Variants in PHLDB2 observed in about 807,000 individuals in gnomAD.
PHLDB2 encodes the protein pleckstrin homology-like domain family B member 2.
Under a neutral mutation model 123.6 loss-of-function variants are expected in PHLDB2, and 71 were observed. The ratio of observed to expected loss-of-function variants is 0.57; its 90% CI spans 0.47 to 0.70. PHLDB2 has a LOEUF of 0.70. PHLDB2 is among the 30% of genes least tolerant of loss of function. PHLDB2 has a pLI of 0.00. For missense variants in PHLDB2, 1,446 were observed against 1,519.5 expected, an observed-to-expected ratio of 0.95 and a Z score of 0.80; for synonymous variants, 547 against 541.6, an observed-to-expected ratio of 1.01 and a Z score of -0.14.
intron 1 of PHLDB2, among the ~76,000 whole-genome samples, chr3:111,882,165 T>C (rs901016721): frequency 1.3e-5 from 2 of 152,230 alleles, no homozygotes; most frequent in African/African-American, 2.4e-5. Flanking sequence ...TTCCCTATTA[T>C]TTGGCATTTA....
chr3:111,855,962 A>C (rs1436962596), upstream of PHLDB2, among the ~76,000 whole-genome samples: 1 of 152,080 alleles, frequency 6.6e-6, no homozygotes, highest in African/African-American at 2.4e-5. Flanking sequence ...TTGCACCTTC[A>C]GGGTGGTCTC....
At chr3:111,950,023 T>C (rs1222054836) in intron 10 of PHLDB2, 1 of 517,888 alleles carries the variant, frequency 1.9e-6, no homozygotes, top group Non-Finnish European at 2.5e-6. Flanking sequence ...ATTTTTTTTT[T>C]CCTCTTAAGA....
Position 111,885,147 on chromosome 3 carries a change from C to T in PHLDB2, c.1070C>T (p.Ala357Val). 3.7e-6 allele frequency: 6 copies of T among 1,614,096 alleles called. No individual in the cohort carries two copies. The highest frequency in any genetic ancestry group is 5.1e-6 in the Non-Finnish European group (6 of 1,180,020). Reference sequence around the variant, plus strand: ...TGTGCCTCTGATGACTTTGATCAGGCTTCATATGTGGGGACAAACCCGAGT... The same window carrying T: ...TGTGCCTCTGATGACTTTGATCAGGTTTCATATGTGGGGACAAACCCGAGT... ...SSCASDDFDQ[A>V]SYVGTNPSHS... The change falls in exon 2 of 18, where the codon GCT (alanine) becomes GTT (valine). Residue 357 changes from alanine to valine, a missense_variant. Ala to Val is a moderately conservative substitution (Grantham distance 64, BLOSUM62 0). This residue lies in a region of PHLDB2 where 832 missense variants were observed against 831.9 expected (regional missense o/e 1.00). Transcript: ENST00000431670.
At chr3:111,916,530 A>G (rs982872650) in intron 3 of PHLDB2, 1 of 152,212 alleles carries the variant, frequency 6.6e-6, no homozygotes, top group African/African-American at 2.4e-5. Context: ...AATGTGAAAA[A>G]CACTGTAAGT....
chr3:111,932,523 C>G (rs974660025), intron 6 of PHLDB2, 126 bp downstream of exon 6: 1 of 970,672 alleles, frequency 1.0e-6, no homozygotes, highest in Non-Finnish European at 1.5e-6. Flanking sequence ...TCATTAGATA[C>G]GTTTAAATGG....
intron 16 of PHLDB2, among the ~76,000 whole-genome samples, chr3:111,971,778 C>G (rs1452429000): frequency 6.6e-6 from 1 of 152,178 alleles, no homozygotes; most frequent in Non-Finnish European, 1.5e-5. Flanking sequence ...TGGCCGTGTA[C>G]TTGTGAAGGA....
chr3:111,794,305 C>G (rs751617840), intron 1 of PHLDB2, among the ~76,000 whole-genome samples: 2 of 152,154 alleles, frequency 1.3e-5, no homozygotes, highest in Non-Finnish European at 2.9e-5. Context: ...GTCCCGCAGT[C>G]ACTGCACCCT....
intron 1 of PHLDB2, among the ~76,000 whole-genome samples, chr3:111,839,870 A>C (rs923368502): frequency 6.7e-6 from 1 of 149,260 alleles, no homozygotes; most frequent in African/African-American, 2.5e-5. Context: ...AATATGCCTC[A>C]ATTTCTATTT....
chr3:111,897,035 A>G (rs1424448937), intron 2 of PHLDB2, among the ~76,000 whole-genome samples: 1 of 152,230 alleles, frequency 6.6e-6, no homozygotes, highest in Non-Finnish European at 1.5e-5. Context: ...GATACAGTGA[A>G]GATACAGAAC....
intron 1 of PHLDB2, among the ~76,000 whole-genome samples, chr3:111,877,616 G>A (rs534875841): frequency 6.6e-6 from 1 of 152,210 alleles, no homozygotes; most frequent in South Asian, 2.1e-4. Flanking sequence ...ATTGCTTTTG[G>A]TGTTTTAGTC....
At position 111,806,937 on chromosome 3, in the gene PHLDB2, C is replaced by T. The variant is rs114994189; in HGVS notation, c.-48-38884C>T. Among the ~76,000 whole-genome samples, 746 of 151,944 alleles carry T rather than the reference C, an allele frequency of 4.9e-3. 5 individuals carry two copies. The highest frequency in any genetic ancestry group is 0.017 in the African/African-American group (717 of 41,444). On this transcript the variant is annotated intron_variant, in intron 1 of 17. Coordinates refer to the PHLDB2 transcript ENST00000393923. ...AAGCATAAGCCACCATGCCCAGCCC[C>T]TTTTTGTTTTCTTAAGATGAAGAAG...
At chr3:111,736,521 T>C (rs1044861282) in intron 1 of PHLDB2, among the ~76,000 whole-genome samples, 1 of 152,202 alleles carries the variant, frequency 6.6e-6, no homozygotes, top group African/African-American at 2.4e-5. Context: ...CTAAGTCCCT[T>C]AGATCTTGGG....
intron 1 of PHLDB2, among the ~76,000 whole-genome samples, chr3:111,837,127 C>T (rs1056416555): frequency 3.3e-5 from 5 of 152,098 alleles, no homozygotes; most frequent in African/African-American, 9.7e-5. Flanking sequence ...CCTCAGAGGG[C>T]TGTGTATTAA....
chr3:111,895,124 T>C (rs2066752384), intron 2 of PHLDB2, among the ~76,000 whole-genome samples: 1 of 151,982 alleles, frequency 6.6e-6, no homozygotes, highest in Admixed American at 6.6e-5. Context: ...AGAAAAGCAG[T>C]GAGAAGGAAA....
chr3:111,875,346 C>A (rs1203683037), intron 1 of PHLDB2, among the ~76,000 whole-genome samples: 1 of 151,194 alleles, frequency 6.6e-6, no homozygotes, highest in Non-Finnish European at 1.5e-5. Context: ...GATGGAGTTT[C>A]TCCATGTTGG....
chr3:111,969,039 A>G (rs1259973036), intron 15 of PHLDB2, among the ~76,000 whole-genome samples: 1 of 152,230 alleles, frequency 6.6e-6, no homozygotes, highest in African/African-American at 2.4e-5. Context: ...ACCAGCCATC[A>G]GTAACATAAA....
chr3:111,797,818 G>A (rs1306388992), intron 1 of PHLDB2, among the ~76,000 whole-genome samples: 2 of 152,180 alleles, frequency 1.3e-5, no homozygotes, highest in African/African-American at 2.4e-5. Context: ...CGAAAGCTAC[G>A]CAATTGTGAT....
chr3:111,942,405 A>G (rs561481304), intron 8 of PHLDB2, among the ~76,000 whole-genome samples: 1 of 152,316 alleles, frequency 6.6e-6, no homozygotes, highest in South Asian at 2.1e-4. Context: ...GCTAAAATGT[A>G]TTTGTAACCT....
chr3:111,975,633 A>ATTATT lies in PHLDB2; in HGVS notation c.*1083_*1087dup, dbSNP rs756904618. ...TTCAACTTAATATTCTCTATAATGT[A>ATTATT]TTATTTTATTTTATTTTTTACAATT... On this transcript the variant is annotated 3_prime_UTR_variant, in exon 18 of 18. Coordinates refer to ENST00000431670, the MANE Select transcript of PHLDB2 (RefSeq NM_001134438.2). 1 of 152,540 alleles carries ATTATT rather than the reference A, an allele frequency of 6.6e-6. No homozygotes were observed. Among genetic ancestry groups the ATTATT allele is most frequent in the Non-Finnish European group, 1.5e-5 (1 of 68,030 alleles). 9.4% of individuals were successfully genotyped at this position (152,540 alleles called of 1,614,324 possible). A position where few individuals can be genotyped will look rare whatever the true frequency, so the allele number is the denominator to read the frequency against.
Sources: gnomAD v4.1 joint callset for allele counts (sites outside exome capture counted in the v4.1 genomes callset) on GRCh38, gnomAD v4.1.1 for gene constraint, gnomAD v4.1.1 regional missense constraint, MANE v1.5 for transcripts, NCBI Gene and HGNC (gene_info 2026-07-23, HGNC 2026-07-21) for gene names.